Variants in UGT1A6 observed in about 807,000 individuals in gnomAD.
UGT1A6 encodes UDP-glucuronosyltransferase 1A6.
Under a neutral mutation model 44.4 loss-of-function variants are expected in UGT1A6, and 32 were observed. The observed-to-expected ratio is 0.72, with a 90% CI of 0.54 to 0.97. The LOEUF is 0.97. Ranked by LOEUF, UGT1A6 falls within the 50% of genes least tolerant of loss-of-function variation. The pLI, the probability that UGT1A6 is intolerant of heterozygous loss-of-function variation, is 0.00. For missense variants in UGT1A6, 685 were observed against 661.9 expected (o/e 1.03, Z -0.38); for synonymous variants, 238 against 248.5 (o/e 0.96, Z 0.40).
At chr2:233,739,325 C>T (rs894619424) in intron 1 of UGT1A6, among the ~76,000 whole-genome samples, 5 of 152,154 alleles carry the variant, frequency 3.3e-5, no homozygotes, top group African/African-American at 1.2e-4. Flanking sequence ...GAGAAGAAGG[C>T]CACAGTCCTT....
intron 1 of UGT1A6, among the ~76,000 whole-genome samples, chr2:233,736,416 C>T (rs933216996): frequency 3.3e-5 from 5 of 152,094 alleles, no homozygotes; most frequent in Non-Finnish European, 4.4e-5. Context: ...TTCATCTAAC[C>T]TTTTTTCAAG....
intron 1 of UGT1A6, among the ~76,000 whole-genome samples, chr2:233,741,104 C>CA (rs1259061877): frequency 6.6e-6 from 1 of 151,798 alleles, no homozygotes; most frequent in South Asian, 2.1e-4. Context: ...AACAGACAAT[C>CA]AAGCTTTACA....
intron 2 of UGT1A6, 25 bp from the exon 3 acceptor site, chr2:233,767,822 ACG>A (rs756893991): frequency 6.2e-7 from 1 of 1,614,064 alleles, no homozygotes. Flanking sequence ...TTCTTTCTTT[ACG>A]TTCTGCTCTT....
intron 1 of UGT1A6, among the ~76,000 whole-genome samples, chr2:233,717,553 T>C (rs3806591): frequency 0.1 from 15,445 of 152,232 alleles, 903 homozygotes; most frequent in East Asian, 0.2. Context: ...TCACCAGCAA[T>C]GGCAGACATG....
chr2:233,733,512 C>T (rs1027549522), intron 1 of UGT1A6, among the ~76,000 whole-genome samples: 2 of 152,148 alleles, frequency 1.3e-5, no homozygotes, highest in African/African-American at 4.8e-5. Flanking sequence ...CAGTTTTAGG[C>T]ATGAAGGGAT....
At chr2:233,754,986 T>A (rs1394613146) in intron 1 of UGT1A6, 2 of 1,295,836 alleles carry the variant, frequency 1.5e-6, no homozygotes, top group Non-Finnish European at 2.1e-6. Flanking sequence ...CTCGGCGGGG[T>A]CACGGAAGCT....
intron 1 of UGT1A6, chr2:233,747,431 A>C (rs184446696): frequency 1.0e-4 from 161 of 1,608,566 alleles, no homozygotes; most frequent in Middle Eastern, 1.7e-4. Flanking sequence ...AACAAGAGAA[A>C]TTTTTCACCC....
rs773612653 is a variant in UGT1A6 at position 233,729,922 on chromosome 2, C to A, written c.861+36057C>A. 11 of 1,614,018 alleles carry A rather than the reference C, an allele frequency of 6.8e-6. No individual in the cohort carries two copies. The South Asian group carries it at 9.9e-5, about 15-fold the overall frequency. ...CCGAGGGGACTTTGTGATGGACTAC[C>A]CCAGGCCAATCATGCCCAACATGGT... On this transcript the variant is annotated intron_variant, in intron 1 of 4. Transcript: ENST00000305139.
intron 1 of UGT1A6, chr2:233,713,987 A>C: frequency 6.3e-7 from 1 of 1,580,416 alleles, no homozygotes; most frequent in Non-Finnish European, 8.6e-7. Flanking sequence ...CATTGTTGTA[A>C]TAGTCTTCAG....
intron 1 of UGT1A6, chr2:233,738,890 T>A (rs1690929435): frequency 6.6e-6 from 1 of 152,188 alleles, no homozygotes. Flanking sequence ...TCAGAGACCT[T>A]TGCAGCAGAC....
chr2:233,694,895 A>G (rs2075247142), intron 1 of UGT1A6, among the ~76,000 whole-genome samples: 1 of 152,246 alleles, frequency 6.6e-6, no homozygotes, highest in Non-Finnish European at 1.5e-5. Flanking sequence ...TTCATGTGAT[A>G]TTTTGATACA....
At chr2:233,724,375 C>T (rs1318597710) in intron 1 of UGT1A6, among the ~76,000 whole-genome samples, 19 of 143,100 alleles carry the variant, frequency 1.3e-4, no homozygotes, top group South Asian at 7.3e-4. Context: ...GGGTGGCTGC[C>T]GGGCGGAGAC....
chr2:233,705,149 AG>A (rs1246155898), intron 1 of UGT1A6, among the ~76,000 whole-genome samples: 3 of 145,754 alleles, frequency 2.1e-5, no homozygotes, highest in African/African-American at 5.2e-5. Context: ...AAAAAAAAAA[AG>A]AGAGAGAGAG....
intron 1 of UGT1A6, chr2:233,719,156 A>C (rs751674220): frequency 1.2e-6 from 2 of 1,614,236 alleles, no homozygotes; most frequent in Non-Finnish European, 1.7e-6. Context: ...GATATTCTAG[A>C]AGTATGGCAA....
Position 233,769,174 on chromosome 2 carries a change from G to T in UGT1A6, c.1301+735G>T, listed in dbSNP as rs1699806573. ...ACCTGTGAGAAATTTTGTCCATGGA[G>T]TTTATGAATGAAGGAGCTATAAGAT... On this transcript the variant is annotated intron_variant, in intron 4 of 4. Coordinates refer to ENST00000305139, the MANE Select transcript of UGT1A6 (RefSeq NM_001072.4). This position sits in a 1 kb window ranked among gnomAD's most constrained non-coding sequence, Gnocchi z 4.4. Among the ~76,000 whole-genome samples, 1 of 152,206 alleles carries T rather than the reference G, an allele frequency of 6.6e-6. No individual in the cohort carries two copies. Among genetic ancestry groups the T allele is most frequent in the Non-Finnish European group, 1.5e-5 (1 of 68,044 alleles).
At chr2:233,737,076 G>T (rs183644627) in intron 1 of UGT1A6, among the ~76,000 whole-genome samples, 1 of 152,230 alleles carries the variant, frequency 6.6e-6, no homozygotes, top group Non-Finnish European at 1.5e-5. Context: ...CTTCAGAGCT[G>T]TCAGACAGGG....
Position 233,772,398 on chromosome 2 carries a change from C to T in UGT1A6, c.1438C>T (p.Leu480Phe), listed in dbSNP as rs1433976375. 2.5e-6 allele frequency: 4 copies of T among 1,614,118 alleles called. No homozygotes were observed. The highest frequency in any genetic ancestry group is 3.4e-6 in the Non-Finnish European group (4 of 1,180,050). Residue 480 changes from leucine to phenylalanine, a missense_variant, in exon 5 of 5, where the codon CTC (leucine) becomes TTC (phenylalanine). Physicochemically the swap from Leu to Phe is conservative, Grantham distance 22. Transcript: ENST00000305139. Reference protein sequence around the residue: ...APHLRPAAHDLTWYQYHSLDV... With the variant: ...APHLRPAAHDFTWYQYHSLDV... The stretch of plus-strand genomic sequence containing the variant: ...ACACCTGCGCCCCGCAGCCCACGAC[C>T]TCACCTGGTACCAGTACCATTCCTT...
intron 1 of UGT1A6, chr2:233,718,931 T>C (rs1174557586): frequency 1.9e-6 from 3 of 1,614,130 alleles, no homozygotes; most frequent in Admixed American, 1.7e-5. Context: ...TGCCCACTGA[T>C]GGCAGCCCCT....
intron 1 of UGT1A6, chr2:233,713,887 T>G (rs1373894337): frequency 1.9e-6 from 3 of 1,613,356 alleles, no homozygotes; most frequent in Non-Finnish European, 2.5e-6. Context: ...ATCCAATCAA[T>G]GTTCCAGGCA....
Sources: allele counts gnomAD v4.1 joint callset (sites outside exome capture counted in the v4.1 genomes callset), GRCh38; gene constraint gnomAD v4.1.1; non-coding constraint Gnocchi (gnomAD v3.1); transcripts MANE v1.5; gene names NCBI Gene and HGNC (gene_info 2026-07-23, HGNC 2026-07-21).